ANKRD46: variants seen among roughly 807,000 people sequenced by gnomAD.
The protein encoded by ANKRD46 is ankyrin repeat domain-containing protein 46.
In ANKRD46, 13 loss-of-function variants were observed where a neutral mutation model predicts 19.8. The ratio of observed to expected loss-of-function variants is 0.66; its 90% confidence interval spans 0.43 to 1.04. The LOEUF (loss-of-function observed/expected upper bound fraction) is 1.04. Ranked by LOEUF, ANKRD46 falls within the 50% of genes least tolerant of loss-of-function variation. The probability of loss-of-function intolerance (pLI) is 0.00; values close to 1 mark genes in which losing one functional copy is unlikely to be tolerated. For missense variants in ANKRD46, 185 were observed against 274.8 expected (o/e 0.67, Z 2.31); for synonymous variants, 91 against 106.9 (o/e 0.85, Z 0.92).
Position 100,510,312 on chromosome 8 carries a change from G to A in ANKRD46, c.*265C>T, listed in dbSNP as rs556629518. ...TGTGGAGGTGGCATCCTGCCCGGGC[G>A]GAGGAGGGGATGGTTCCTGGAGCTC... On this transcript the variant is annotated 3_prime_UTR_variant, in exon 6 of 6. Transcript: ENST00000520552. This position sits in a 1 kb window ranked among gnomAD's most constrained non-coding sequence, Gnocchi z 4.9. 36 of 397,578 alleles carry A rather than the reference G, an allele frequency of 9.1e-5. No individual in the cohort carries two copies. In the South Asian group the frequency reaches 1.0e-3, roughly 12 times the overall value. The allele number at this position is 397,578 out of a possible 1,614,324, so 24.6% of individuals were successfully genotyped here. A position where few individuals can be genotyped will look rare whatever the true frequency, so the allele number is the denominator to read the frequency against.
At chr8:100,517,768 G>C (rs1811657962), downstream of ANKRD46, among the ~76,000 whole-genome samples, 1 of 152,170 alleles carries the variant, frequency 6.6e-6, no homozygotes, top group Non-Finnish European at 1.5e-5. Flanking sequence ...AATTGCTTCG[G>C]CCTGAACAAT....
chr8:100,542,594 T>C (rs952567717), intron 1 of ANKRD46, among the ~76,000 whole-genome samples: 1 of 152,146 alleles, frequency 6.6e-6, no homozygotes, highest in Non-Finnish European at 1.5e-5. Flanking sequence ...CTGCTGTCCC[T>C]GCTCTGGACT....
chr8:100,543,546 T>C lies in ANKRD46; in HGVS notation c.-130-10235A>G, dbSNP rs1812216173. On this transcript the variant is annotated intron_variant, in intron 1 of 4. Transcript: ENST00000335659. This position sits in a 1 kb window ranked among gnomAD's most constrained non-coding sequence, Gnocchi z 4.2. ...CTACAGTGTTAAACAAAGATAATTA[T>C]GATTTAAAAATTATTCTTTAAAATG... 6.6e-6 allele frequency among the ~76,000 whole-genome samples: 1 copy of C among 152,230 alleles called. No homozygotes were observed. The highest frequency in any genetic ancestry group is 1.5e-5 in the Non-Finnish European group (1 of 68,044).
chr8:100,521,416 T>C lies in ANKRD46; in HGVS notation c.*1139A>G, dbSNP rs942779343. On this transcript the variant is annotated 3_prime_UTR_variant, in exon 5 of 5. Coordinates refer to ENST00000335659, the MANE Select transcript of ANKRD46 (RefSeq NM_001270377.2). ...ACATAATTCATACATTACAGAATCA[T>C]TAACAAAAGAGGCCTTCAAACATAC... The C allele has an allele frequency of 9.1e-6, 9 of 985,294 alleles. No homozygotes were observed. In the African/African-American group the frequency reaches 1.0e-4, roughly 11 times the overall value. 61.0% of individuals were successfully genotyped at this position (985,294 alleles called of 1,614,324 possible).
At position 100,555,722 on chromosome 8, in the gene ANKRD46, TAAAAAAAAAAAAAAAAAAAAAAA is replaced by T. The variant is rs59521764; in HGVS notation, c.-131+3966_-131+3988del. ...GCACCAACTTAATATTTTCCTCAGC[TAAAAAAAAAAAAAAAAAAAAAAA>T]AAAAAAAAAAAAAAAAAGATTTCCA... On this transcript the variant is annotated intron_variant, in intron 1 of 4. Coordinates refer to ENST00000335659, the MANE Select transcript of ANKRD46 (RefSeq NM_001270377.2). Among the ~76,000 whole-genome samples, 15 of 53,306 alleles carry T rather than the reference TAAAAAAAAAAAAAAAAAAAAAAA, an allele frequency of 2.8e-4. No individual in the cohort carries two copies. The South Asian group carries it at 5.9e-3, about 21-fold the overall frequency. 35.0% of individuals were successfully genotyped at this position (53,306 alleles called of 152,430 possible). A position where few individuals can be genotyped will look rare whatever the true frequency, so the allele number is the denominator to read the frequency against.
intron 1 of ANKRD46, among the ~76,000 whole-genome samples, chr8:100,552,760 G>C (rs1039954496): frequency 1.3e-5 from 2 of 152,172 alleles, no homozygotes; most frequent in Non-Finnish European, 2.9e-5. Flanking sequence ...TTCATAGATA[G>C]CAAGTATACA....
rs1252534682 is a variant in ANKRD46 at position 100,546,260 on chromosome 8, C to T, written c.-130-12949G>A. ...TCATGGCAGCCCCTCCCATCACAGG[C>T]CACAAGGCCTAGGAGGGAAAAAATG... On this transcript the variant is annotated intron_variant, in intron 1 of 4. Transcript: ENST00000335659. The surrounding 1 kb of genome is among the most constrained non-coding windows in gnomAD (Gnocchi z 4.0). Among the ~76,000 whole-genome samples the T allele has an allele frequency of 6.6e-6, 1 of 152,254 alleles. No homozygotes were observed. Among genetic ancestry groups the T allele is most frequent in the African/African-American group, 2.4e-5 (1 of 41,470 alleles).
rs938723671 is a variant in ANKRD46 at position 100,521,224 on chromosome 8, C to T, written c.*1331G>A. On this transcript the variant is annotated 3_prime_UTR_variant, in exon 5 of 5. Coordinates refer to ENST00000335659, the MANE Select transcript of ANKRD46 (RefSeq NM_001270377.2). ...GAAGCAAAAAGAATCACAGAAATACCAATTCTATTCTAAAGCATAATTTCT... is the reference window on the plus strand; with the variant it reads ...GAAGCAAAAAGAATCACAGAAATACTAATTCTATTCTAAAGCATAATTTCT... 1.0e-6 allele frequency: 1 copy of T among 984,692 alleles called. No homozygotes were observed. Among genetic ancestry groups the T allele is most frequent in the Non-Finnish European group, 1.2e-6 (1 of 829,814 alleles). 61.0% of individuals were successfully genotyped at this position (984,692 alleles called of 1,614,324 possible).
At chr8:100,515,868 G>GTTTTTTTT (rs1371274884), downstream of ANKRD46, among the ~76,000 whole-genome samples, 1 of 147,798 alleles carries the variant, frequency 6.8e-6, no homozygotes, top group Admixed American at 6.8e-5. Flanking sequence ...CCAGTAACTT[G>GTTTTTTTT]TTTTTGTTTT....
chr8:100,530,883 C>T (rs1172071457), intron 2 of ANKRD46, among the ~76,000 whole-genome samples: 1 of 152,150 alleles, frequency 6.6e-6, no homozygotes, highest in Non-Finnish European at 1.5e-5. Flanking sequence ...GTAGGGCTGT[C>T]TGGGAATACC....
At chr8:100,558,370 A>G (rs1052868585) in intron 1 of ANKRD46, among the ~76,000 whole-genome samples, 2 of 152,260 alleles carry the variant, frequency 1.3e-5, no homozygotes, top group African/African-American at 4.8e-5. Flanking sequence ...TGCTACCATA[A>G]TAATGCAAAG....
intron 3 of ANKRD46, among the ~76,000 whole-genome samples, chr8:100,528,765 C>A (rs1713154559): frequency 6.6e-6 from 1 of 152,086 alleles, no homozygotes; most frequent in Admixed American, 6.6e-5. Flanking sequence ...CCCATTTTGT[C>A]CTGCAGAAAC....
rs905396949 is a variant in ANKRD46 at position 100,546,746 on chromosome 8, A to G, written c.-131+12965T>C. The stretch of plus-strand genomic sequence containing the variant: ...GCACCATGCATCTGGAAAAGCCACA[A>G]GCATTTAATGCCAGCCCATGAAAGC... On this transcript the variant is annotated intron_variant, in intron 1 of 4. Coordinates refer to ENST00000335659, the MANE Select transcript of ANKRD46 (RefSeq NM_001270377.2). The surrounding 1 kb of genome is among the most constrained non-coding windows in gnomAD (Gnocchi z 4.0). Among the ~76,000 whole-genome samples the G allele has an allele frequency of 2.6e-5, 4 of 152,246 alleles. No homozygotes were observed. The highest frequency in any genetic ancestry group is 5.9e-5 in the Non-Finnish European group (4 of 68,044).
Position 100,550,799 on chromosome 8 carries a change from G to T in ANKRD46, c.-131+8912C>A. ...CACTGTTGTACGAGGAAATGAGCTT[G>T]ACAAAGTGGTCACTGAGGGCAATGG... On this transcript the variant is annotated intron_variant, in intron 1 of 4. Coordinates refer to ENST00000335659, the MANE Select transcript of ANKRD46 (RefSeq NM_001270377.2). This position sits in a 1 kb window ranked among gnomAD's most constrained non-coding sequence, Gnocchi z 4.4. The T allele has an allele frequency of 2.2e-6, 1 of 459,348 alleles. No individual in the cohort carries two copies. The highest frequency in any genetic ancestry group is 1.8e-5 in the South Asian group (1 of 57,096). The allele number at this position is 459,348 out of a possible 1,614,324, so 28.5% of individuals were successfully genotyped here.
chr8:100,515,645 C>A (rs1178000406), intron 5 of ANKRD46, among the ~76,000 whole-genome samples: 6 of 114,046 alleles, frequency 5.3e-5, no homozygotes, highest in Admixed American at 3.8e-4. Context: ...TAGAATGGCA[C>A]GCTGAGGTGC....
Position 100,544,564 on chromosome 8 carries a change from G to C in ANKRD46, c.-130-11253C>G, listed in dbSNP as rs1488737061. On this transcript the variant is annotated intron_variant, in intron 1 of 4. Transcript: ENST00000335659. The surrounding 1 kb of genome is among the most constrained non-coding windows in gnomAD (Gnocchi z 4.4). Reference sequence around the variant, plus strand: ...GATCCATGATCTGTGAATTTATCAAGAATTATTTTTCAGGATAAGCACTAA... The same window carrying C: ...GATCCATGATCTGTGAATTTATCAACAATTATTTTTCAGGATAAGCACTAA... 6.6e-6 allele frequency among the ~76,000 whole-genome samples: 1 copy of C among 152,126 alleles called. No individual in the cohort carries two copies. The highest frequency in any genetic ancestry group is 2.4e-5 in the African/African-American group (1 of 41,434).
intron 1 of ANKRD46, among the ~76,000 whole-genome samples, chr8:100,540,369 C>T (rs1197056928): frequency 6.6e-6 from 1 of 152,168 alleles, no homozygotes; most frequent in Non-Finnish European, 1.5e-5. Context: ...AGAAACAATA[C>T]CTGGAAATGT....
At chr8:100,512,446 A>G (rs1811562960) in intron 5 of ANKRD46, among the ~76,000 whole-genome samples, 1 of 152,244 alleles carries the variant, frequency 6.6e-6, no homozygotes. Flanking sequence ...CAATAGCTGA[A>G]GTTATTCATT....
rs1276840924 is a variant in ANKRD46, at chr8:100,521,392, C to T, written c.*1163G>A. 9 of 985,268 alleles carry T rather than the reference C, an allele frequency of 9.1e-6. No homozygotes were observed. Among genetic ancestry groups the T allele is most frequent in the Non-Finnish European group, 1.1e-5 (9 of 829,924 alleles). 61.0% of individuals were successfully genotyped at this position (985,268 alleles called of 1,614,324 possible). ...ATATTCTTTTTTAACCACTCAAGAACATAATTCATACATTACAGAATCATT... is the reference window on the plus strand; with the variant it reads ...ATATTCTTTTTTAACCACTCAAGAATATAATTCATACATTACAGAATCATT... On this transcript the variant is annotated 3_prime_UTR_variant, in exon 5 of 5. Transcript: ENST00000335659.
Sources: gnomAD v4.1 joint callset for allele counts (sites outside exome capture counted in the v4.1 genomes callset) on GRCh38, gnomAD v4.1.1 for gene constraint, Gnocchi (gnomAD v3.1) non-coding constraint, MANE v1.5 for transcripts, NCBI Gene and HGNC (gene_info 2026-07-23, HGNC 2026-07-21) for gene names.